Variants in GAREM2 observed in about 807,000 individuals in gnomAD.
GAREM2 encodes GRB2 associated regulator of MAPK1 subtype 2.
A neutral mutation model predicts 55.6 loss-of-function variants in GAREM2; 30 were observed. The observed-to-expected ratio is 0.54, with a 90% CI of 0.40 to 0.73. The LOEUF (loss-of-function observed/expected upper bound fraction) is 0.73, where lower values mean the gene tolerates loss of function less well. Among genes scored for constraint, GAREM2 ranks in the 30% least tolerant of loss-of-function variants. The pLI is 0.00. For synonymous variants in GAREM2, 550 were observed against 569.1 expected (o/e 0.97, Z 0.48); for missense variants, 1,075 against 1,257.7 (o/e 0.85, Z 2.20).
downstream of GAREM2, chr2:26,191,741 T>G (rs539850142): frequency 1.9e-4 from 205 of 1,066,270 alleles, 1 homozygote; most frequent in Non-Finnish European, 2.9e-4. Context: ...TGTGGGCCGG[T>G]TGGTGCTGGC....
chr2:26,203,447 G>C, the GAREM2 span, among the ~76,000 whole-genome samples: 1 of 152,176 alleles, frequency 6.6e-6, no homozygotes, highest in East Asian at 1.9e-4. Flanking sequence ...GAGAGAGGCA[G>C]GTGGTGAGGA....
Position 26,187,439 on chromosome 2 carries a change from AC to A in GAREM2, c.1811del (p.Pro604LeufsTer170), listed in dbSNP as rs1237191466. 1 of 1,547,276 alleles carries A rather than the reference AC, an allele frequency of 6.5e-7. No individual in the cohort carries two copies. The highest frequency in any genetic ancestry group is 8.7e-7 in the Non-Finnish European group (1 of 1,145,070). On this transcript the variant is annotated frameshift_variant, in exon 6 of 6. Transcript: ENST00000401533. LOFTEE classifies it high-confidence loss of function. ...GRAASLLGAD[T>X]PVKTYHSCPP... is the part of the protein sequence containing the mutation. ...AGCCGCCTCCCTTCTGGGGGCTGAC[AC>A]CCCTGTTAAGACCTACCACAGCTGC...
Sources: allele counts gnomAD v4.1 joint callset (sites outside exome capture counted in the v4.1 genomes callset), GRCh38; gene constraint gnomAD v4.1.1; transcripts MANE v1.5; gene names NCBI Gene and HGNC (gene_info 2026-07-23, HGNC 2026-07-21).